The following GLIS1 variants were observed in gnomAD, a reference collection of about 807,000 sequenced individuals.
The protein encoded by GLIS1 is GLIS family zinc finger 1, also known as zinc finger protein GLIS1.
A neutral mutation model predicts 63.8 loss-of-function variants in GLIS1; 24 were observed. The observed-to-expected ratio is 0.38, with a 90% CI of 0.27 to 0.53. GLIS1 has a LOEUF of 0.53. Among genes scored for constraint, GLIS1 ranks in the 20% least tolerant of loss-of-function variants. The pLI is 0.85. For missense variants in GLIS1, 1,036 were observed against 1,074.1 expected, an observed-to-expected ratio of 0.96 and a Z score of 0.50; for synonymous variants, 450 against 482.5, an observed-to-expected ratio of 0.93 and a Z score of 0.88.
intron 2 of GLIS1, among the ~76,000 whole-genome samples, chr1:53,734,754 A>G (rs1423250542): frequency 2.0e-5 from 3 of 152,242 alleles, no homozygotes; most frequent in Non-Finnish European, 4.4e-5. Context: ...AAGCGTCATC[A>G]GGCCATCACC....
chr1:53,719,703 A>G (rs1646734345), intron 2 of GLIS1, among the ~76,000 whole-genome samples: 1 of 152,138 alleles, frequency 6.6e-6, no homozygotes, highest in South Asian at 2.1e-4. Flanking sequence ...TGGGAGTTGA[A>G]AAAAACCAAA....
chr1:53,543,032 A>C (rs1037310397), intron 4 of GLIS1, among the ~76,000 whole-genome samples: 2 of 152,234 alleles, frequency 1.3e-5, no homozygotes, highest in African/African-American at 4.8e-5. Flanking sequence ...CCCAAAACCC[A>C]GAATTTGCAT....
rs112341265 is a variant in GLIS1, at chr1:53,734,061, C to CTT, written c.259+3743_259+3744dup. 75 of 860,386 alleles carry CTT rather than the reference C, an allele frequency of 8.7e-5. 1 individual carries two copies. The African/African-American group carries it at 1.1e-3, about 13-fold the overall frequency. The allele number at this position is 860,386 out of a possible 1,614,324, so 53.3% of individuals were successfully genotyped here. A position where few individuals can be genotyped will look rare whatever the true frequency, so the allele number is the denominator to read the frequency against. ...AGTCCATGCGCACAATCTACAATTCCTTTTTTTTTTTTTTCAAGTTACAAG... is the reference window on the plus strand; with the variant it reads ...AGTCCATGCGCACAATCTACAATTCCTTTTTTTTTTTTTTTTCAAGTTACAAG... On this transcript the variant is annotated intron_variant, in intron 2 of 10. Coordinates refer to ENST00000628545, the MANE Select transcript of GLIS1 (RefSeq NM_001367484.1).
chr1:53,535,033 G>A (rs1003541229), intron 4 of GLIS1, among the ~76,000 whole-genome samples: 3 of 152,084 alleles, frequency 2.0e-5, no homozygotes, highest in Non-Finnish European at 4.4e-5. Context: ...AACAAAAGCA[G>A]GGAGGCTGGA....
intron 4 of GLIS1, 124 bp from the exon 5 acceptor site, chr1:53,530,076 G>A: frequency 1.2e-6 from 1 of 846,638 alleles, no homozygotes; most frequent in Non-Finnish European, 1.8e-6. Flanking sequence ...TGGAGCCTCT[G>A]AGAGCTCTGG....
chr1:53,639,224 G>A lies in GLIS1; in HGVS notation c.260-38946C>T, dbSNP rs935033897. ...GATGCAGAGTACCCACATGACACTG[G>A]CCACACTCTCCAGCATTACACTAAG... On this transcript the variant is annotated intron_variant, in intron 2 of 10. Coordinates refer to ENST00000628545, the MANE Select transcript of GLIS1 (RefSeq NM_001367484.1). The surrounding 1 kb of genome is among the most constrained non-coding windows in gnomAD (Gnocchi z 4.6). Among the ~76,000 whole-genome samples the A allele has an allele frequency of 2.6e-5, 4 of 152,110 alleles. No homozygotes were observed. The highest frequency in any genetic ancestry group is 9.7e-5 in the African/African-American group (4 of 41,428).
intron 2 of GLIS1, among the ~76,000 whole-genome samples, chr1:53,681,819 G>C (rs1241916247): frequency 6.9e-6 from 1 of 145,698 alleles, no homozygotes; most frequent in Non-Finnish European, 1.5e-5. Flanking sequence ...TGGGTGGGTG[G>C]AGCAACTGGG....
At chr1:53,711,799 G>C (rs1451279836) in intron 2 of GLIS1, among the ~76,000 whole-genome samples, 1 of 152,252 alleles carries the variant, frequency 6.6e-6, no homozygotes, top group African/African-American at 2.4e-5. Context: ...TGGCATCACA[G>C]AGCCATGGGT....
intron 2 of GLIS1, among the ~76,000 whole-genome samples, chr1:53,653,217 A>G (rs956322342): frequency 1.3e-5 from 2 of 152,214 alleles, no homozygotes; most frequent in Non-Finnish European, 2.9e-5. Flanking sequence ...CACTGATGGG[A>G]GCTTAGCAAA....
At chr1:53,630,133 A>T (rs903704415) in intron 2 of GLIS1, among the ~76,000 whole-genome samples, 13 of 152,218 alleles carry the variant, frequency 8.5e-5, no homozygotes, top group Non-Finnish European at 1.8e-4. Context: ...TGTTACACTA[A>T]ATATCAAATC....
intron 2 of GLIS1, among the ~76,000 whole-genome samples, chr1:53,735,150 G>A (rs952070120): frequency 7.2e-5 from 11 of 152,162 alleles, no homozygotes; most frequent in African/African-American, 1.4e-4. Context: ...TCTTCTCTCC[G>A]GTCACTGGGC....
At chr1:53,643,335 G>A (rs183698051) in intron 2 of GLIS1, among the ~76,000 whole-genome samples, 37 of 152,356 alleles carry the variant, frequency 2.4e-4, no homozygotes, top group Admixed American at 2.4e-3. Flanking sequence ...TATGACTTTG[G>A]TTGGGGGCAG....
rs79224023 is a variant in GLIS1 at position 53,513,510 on chromosome 1, A to T, written c.1883+1115T>A. On this transcript the variant is annotated intron_variant, in intron 8 of 10. Coordinates refer to ENST00000628545, the MANE Select transcript of GLIS1 (RefSeq NM_001367484.1). ...TTCACTCTTGCTACTCCTTCCTCCC[A>T]GCTTCTCCACTCATCCAACTCCAGC... is the stretch of plus-strand genomic sequence containing the variant. 5.9e-3 allele frequency among the ~76,000 whole-genome samples: 901 copies of T among 152,070 alleles called. 33 individuals are homozygous for T. The highest frequency in any genetic ancestry group is 0.045 in the East Asian group (231 of 5,162).
chr1:53,722,896 G>C (rs543440478), intron 2 of GLIS1, among the ~76,000 whole-genome samples: 17 of 151,846 alleles, frequency 1.1e-4, no homozygotes, highest in African/African-American at 4.1e-4. Context: ...ACTTTGGGAG[G>C]CCGAGGCGGG....
At chr1:53,706,746 T>C (rs1029554472) in intron 2 of GLIS1, among the ~76,000 whole-genome samples, 4 of 152,250 alleles carry the variant, frequency 2.6e-5, no homozygotes, top group Non-Finnish European at 5.9e-5. Context: ...GGTTGTAGCA[T>C]AAATCTACCT....
intron 4 of GLIS1, among the ~76,000 whole-genome samples, chr1:53,554,437 A>G (rs1644795937): frequency 6.6e-6 from 1 of 152,176 alleles, no homozygotes; most frequent in African/African-American, 2.4e-5. Flanking sequence ...GGCCAGGCAC[A>G]GTGCCCGGCT....
chr1:53,665,006 C>G (rs1032790791), intron 2 of GLIS1, among the ~76,000 whole-genome samples: 1 of 152,102 alleles, frequency 6.6e-6, no homozygotes, highest in Non-Finnish European at 1.5e-5. Flanking sequence ...GAGGGGGGCA[C>G]TGCTGCCATT....
At chr1:53,558,754 C>T (rs1207278788) in intron 4 of GLIS1, among the ~76,000 whole-genome samples, 1 of 152,216 alleles carries the variant, frequency 6.6e-6, no homozygotes, top group African/African-American at 2.4e-5. Context: ...ATAAATGCCA[C>T]CTTCCCCTCT....
At chr1:53,671,476 G>A (rs1277020018) in intron 2 of GLIS1, among the ~76,000 whole-genome samples, 1 of 152,210 alleles carries the variant, frequency 6.6e-6, no homozygotes, top group African/African-American at 2.4e-5. Context: ...AGATGGCTGG[G>A]GTGTTGGCTC....
Sources: allele counts gnomAD v4.1 joint callset (sites outside exome capture counted in the v4.1 genomes callset), GRCh38; gene constraint gnomAD v4.1.1; non-coding constraint Gnocchi (gnomAD v3.1); transcripts MANE v1.5; gene names NCBI Gene and HGNC (gene_info 2026-07-23, HGNC 2026-07-21).